SLC35F3: variants seen among roughly 807,000 people sequenced by gnomAD.
SLC35F3 encodes the protein solute carrier family 35 member F3.
SLC35F3 carries 25 observed loss-of-function variants against 49.9 expected under a neutral mutation model. That is an observed-to-expected ratio of 0.50 (90% confidence interval 0.37 to 0.70). SLC35F3 has a LOEUF of 0.70. SLC35F3 is among the 30% of genes least tolerant of loss of function. SLC35F3 has a pLI of 0.00. For missense variants in SLC35F3, 525 were observed against 639.8 expected (o/e 0.82, Z 1.94); for synonymous variants, 275 against 265.4 (o/e 1.04, Z -0.35).
intron 3 of SLC35F3, among the ~76,000 whole-genome samples, chr1:234,251,886 CCA>C (rs1213445452): frequency 2.0e-5 from 3 of 151,724 alleles, no homozygotes; most frequent in Non-Finnish European, 4.4e-5. Context: ...AACTAAGAAA[CCA>C]CCTAGAAAAA....
intron 2 of SLC35F3, among the ~76,000 whole-genome samples, chr1:234,065,410 G>A (rs746629258): frequency 2.6e-5 from 4 of 152,130 alleles, no homozygotes; most frequent in Non-Finnish European, 5.9e-5. Context: ...GCCTCCCAAA[G>A]TGCTGGTATT....
rs1420647527 is a variant in SLC35F3, at chr1:234,214,497, T to A, written c.284-16920T>A. The A allele has an allele frequency of 6.5e-7, 1 of 1,534,414 alleles. No homozygotes were observed. The highest frequency in any genetic ancestry group is 1.2e-5 in the South Asian group (1 of 81,592). On this transcript the variant is annotated intron_variant, in intron 2 of 7. Transcript: ENST00000366618. The surrounding 1 kb of genome is among the most constrained non-coding windows in gnomAD (Gnocchi z 8.0). ...AGCGCTCCTGCAGGCGGCCGGCTCA[T>A]CATGAAGAAGCACTCGGCCCGGGTG...
chr1:234,269,028 A>G lies in SLC35F3; in HGVS notation c.608+37287A>G, dbSNP rs12239389. 3.6e-3 allele frequency among the ~76,000 whole-genome samples: 547 copies of G among 152,314 alleles called. 2 individuals carry two copies. Among genetic ancestry groups the G allele is most frequent in the African/African-American group, 0.013 (524 of 41,566 alleles). ...TATAAGCCCATGATAATAGTAGTCT[A>G]TTGGGGAAAAGGAAGGACTCATGGA... On this transcript the variant is annotated intron_variant, in intron 3 of 7. Transcript: ENST00000366618.
intron 3 of SLC35F3, among the ~76,000 whole-genome samples, chr1:234,299,804 C>CAAAAAAA (rs36039526): frequency 8.3e-5 from 7 of 84,528 alleles, no homozygotes; most frequent in African/African-American, 9.0e-5. Context: ...GACTCCATCT[C>CAAAAAAA]AAAAAAAAAA....
At chr1:234,277,919 C>T (rs187439202) in intron 3 of SLC35F3, among the ~76,000 whole-genome samples, 62 of 152,276 alleles carry the variant, frequency 4.1e-4, no homozygotes, top group African/African-American at 1.3e-3. Flanking sequence ...AACAGCTGGG[C>T]GCGGTGGCTC....
chr1:234,064,170 C>T (rs2102864123), intron 2 of SLC35F3, among the ~76,000 whole-genome samples: 1 of 152,268 alleles, frequency 6.6e-6, no homozygotes, highest in East Asian at 1.9e-4. Context: ...CCTAGATCCC[C>T]TCCATTGCCT....
At chr1:234,172,138 C>T (rs1388931558) in intron 2 of SLC35F3, among the ~76,000 whole-genome samples, 2 of 152,196 alleles carry the variant, frequency 1.3e-5, no homozygotes, top group Non-Finnish European at 2.9e-5. Flanking sequence ...CCAGTCCAGA[C>T]CCCCACCTAA....
intron 2 of SLC35F3, among the ~76,000 whole-genome samples, chr1:234,121,133 C>CTTTTT (rs66702949): frequency 4.9e-5 from 5 of 102,786 alleles, no homozygotes; most frequent in Non-Finnish European, 7.7e-5. Context: ...TGAAAAATTA[C>CTTTTT]TTTTTTTTTT....
chr1:234,028,793 C>T (rs946889195), intron 2 of SLC35F3, among the ~76,000 whole-genome samples: 7 of 152,128 alleles, frequency 4.6e-5, no homozygotes, highest in Admixed American at 4.6e-4. Context: ...CACACCAGGT[C>T]ACCTCAATTT....
intron 2 of SLC35F3, among the ~76,000 whole-genome samples, chr1:234,150,735 G>A (rs1407820423): frequency 6.6e-6 from 1 of 152,024 alleles, no homozygotes. Flanking sequence ...CAACTAAATA[G>A]CAAAGACAAA....
intron 2 of SLC35F3, among the ~76,000 whole-genome samples, chr1:234,160,790 C>G (rs1290096279): frequency 6.6e-6 from 1 of 152,236 alleles, no homozygotes; most frequent in Non-Finnish European, 1.5e-5. Context: ...CAGCTGTTCT[C>G]TGCTCTGTGA....
At chr1:234,039,809 C>A (rs1664194445) in intron 2 of SLC35F3, among the ~76,000 whole-genome samples, 1 of 152,202 alleles carries the variant, frequency 6.6e-6, no homozygotes. Context: ...TCCATGCACG[C>A]CCCGCGGCAG....
At chr1:234,088,744 A>G (rs1362695411) in intron 2 of SLC35F3, among the ~76,000 whole-genome samples, 1 of 152,140 alleles carries the variant, frequency 6.6e-6, no homozygotes, top group African/African-American at 2.4e-5. Context: ...AAGGAATGTT[A>G]CAGAACACAG....
In SLC35F3 at chr1:234,194,180, G is replaced by A. The variant is rs573896537; in HGVS notation, c.284-37237G>A. Reference sequence around the variant, plus strand: ...ACGCAAGCTTATAGCAGCACAATTCGCAATTGCAAAAAATATGGAACCAGC... The same window carrying A: ...ACGCAAGCTTATAGCAGCACAATTCACAATTGCAAAAAATATGGAACCAGC... On this transcript the variant is annotated intron_variant, in intron 2 of 7. Coordinates refer to ENST00000366618, the MANE Select transcript of SLC35F3 (RefSeq NM_173508.4). 5.9e-5 allele frequency among the ~76,000 whole-genome samples: 9 copies of A among 152,186 alleles called. No individual in the cohort carries two copies. In the South Asian group the frequency reaches 1.5e-3, roughly 25 times the overall value.
chr1:234,062,555 T>G (rs1480069861), intron 2 of SLC35F3, among the ~76,000 whole-genome samples: 1 of 152,240 alleles, frequency 6.6e-6, no homozygotes, highest in African/African-American at 2.4e-5. Flanking sequence ...TACCACAATA[T>G]CAGCTGGTTT....
chr1:233,969,425 A>G (rs1364156761), intron 2 of SLC35F3, among the ~76,000 whole-genome samples: 5 of 152,088 alleles, frequency 3.3e-5, no homozygotes, highest in African/African-American at 1.2e-4. Flanking sequence ...AGCGCCTCCC[A>G]TCCTTTGCCC....
intron 2 of SLC35F3, among the ~76,000 whole-genome samples, chr1:233,979,048 A>G (rs376046647): frequency 6.6e-6 from 1 of 152,058 alleles, no homozygotes; most frequent in Non-Finnish European, 1.5e-5. Flanking sequence ...ATTAAAAAAA[A>G]AAAAACAAAA....
intron 2 of SLC35F3, among the ~76,000 whole-genome samples, chr1:234,010,997 C>T (rs1209240656): frequency 6.6e-6 from 1 of 152,074 alleles, no homozygotes; most frequent in African/African-American, 2.4e-5. Flanking sequence ...TATGTATAAC[C>T]AAATCCATTT....
chr1:233,920,177 T>C (rs1222859938), intron 2 of SLC35F3, among the ~76,000 whole-genome samples: 2 of 152,120 alleles, frequency 1.3e-5, no homozygotes, highest in East Asian at 3.8e-4. Context: ...GTTACCCTTA[T>C]TAAAAAGGGG....
Sources: allele counts gnomAD v4.1 joint callset (sites outside exome capture counted in the v4.1 genomes callset), GRCh38; gene constraint gnomAD v4.1.1; non-coding constraint Gnocchi (gnomAD v3.1); transcripts MANE v1.5; gene names NCBI Gene and HGNC (gene_info 2026-07-23, HGNC 2026-07-21).